Variants in COP1 observed in about 807,000 individuals in gnomAD.
COP1 encodes E3 ubiquitin-protein ligase COP1.
A neutral mutation model predicts 101.3 loss-of-function variants in COP1; 24 were observed. The ratio of observed to expected loss-of-function variants is 0.24; its 90% CI spans 0.17 to 0.33. COP1 has a LOEUF of 0.33. Ranked by LOEUF, COP1 falls within the 10% of genes least tolerant of loss-of-function variation. The probability of loss-of-function intolerance (pLI) is 1.00; values close to 1 mark genes in which losing one functional copy is unlikely to be tolerated. For missense variants in COP1, 663 were observed against 906.2 expected, an observed-to-expected ratio of 0.73 and a Z score of 3.45; for synonymous variants, 347 against 341.9, an observed-to-expected ratio of 1.01 and a Z score of -0.17.
chr1:176,038,211 C>T (rs746327878), intron 14 of COP1, among the ~76,000 whole-genome samples: 11 of 152,086 alleles, frequency 7.2e-5, no homozygotes, highest in Non-Finnish European at 1.6e-4. Flanking sequence ...AACTTGCATG[C>T]TGAAAATGAC....
chr1:176,127,701 TG>T lies in COP1; in HGVS notation c.968+7308del, dbSNP rs1303521278. On this transcript the variant is annotated intron_variant, in intron 8 of 19. Coordinates refer to ENST00000367669, the MANE Select transcript of COP1 (RefSeq NM_022457.7). ...TTGTTTGCATGGCTACTGTGAATAA[TG>T]GGACAAAGAAGATGGGACTTTTTTC... Among the ~76,000 whole-genome samples the T allele has an allele frequency of 3.3e-5, 5 of 152,228 alleles. 1 individual carries two copies. The highest frequency in any genetic ancestry group is 1.2e-4 in the African/African-American group (5 of 41,562).
rs534558079 is a variant in COP1, at chr1:175,973,978, C to T, written c.2133+12965G>A. Among the ~76,000 whole-genome samples the T allele has an allele frequency of 2.6e-5, 4 of 152,210 alleles. No individual in the cohort carries two copies. The East Asian group carries it at 7.7e-4, about 29-fold the overall frequency. On this transcript the variant is annotated intron_variant, in intron 18 of 19. Transcript: ENST00000367669. ...TGCTGGAGTGTAAAATGTGCTTATG[C>T]AAGTGGTAAGAGATTGAGCTGGAGA...
intron 18 of COP1, among the ~76,000 whole-genome samples, chr1:175,951,438 A>C (rs1406149987): frequency 4.1e-5 from 3 of 72,296 alleles, no homozygotes; most frequent in African/African-American, 8.7e-5. Context: ...AGATACGTGA[A>C]TATATATATA....
chr1:176,166,390 T>G (rs1340659610), intron 3 of COP1, among the ~76,000 whole-genome samples: 1 of 152,124 alleles, frequency 6.6e-6, no homozygotes, highest in Admixed American at 6.5e-5. Context: ...GCCTCCCAAG[T>G]GCTGGATTAC....
intron 1 of COP1, among the ~76,000 whole-genome samples, chr1:176,202,631 G>C (rs1256152438): frequency 6.6e-6 from 1 of 151,720 alleles, no homozygotes; most frequent in Non-Finnish European, 1.5e-5. Flanking sequence ...CCAGGAGTTT[G>C]AGACTAGCCT....
At chr1:176,172,404 A>T (rs1360030327) in intron 3 of COP1, among the ~76,000 whole-genome samples, 2 of 152,250 alleles carry the variant, frequency 1.3e-5, no homozygotes, top group Non-Finnish European at 2.9e-5. Context: ...AAACTTAAAA[A>T]TATGCACGGA....
At chr1:176,161,208 T>G (rs1018090207) in intron 5 of COP1, among the ~76,000 whole-genome samples, 4 of 152,222 alleles carry the variant, frequency 2.6e-5, no homozygotes, top group Non-Finnish European at 4.4e-5. Context: ...TTTTATTTAT[T>G]TTTGCCTCTT....
intron 6 of COP1, among the ~76,000 whole-genome samples, chr1:176,145,006 A>G (rs1691346503): frequency 6.6e-6 from 1 of 152,128 alleles, no homozygotes; most frequent in Non-Finnish European, 1.5e-5. Context: ...AGATAAGATA[A>G]ATTTCACTCT....
chr1:175,981,560 T>TA (rs1655877243), intron 18 of COP1, among the ~76,000 whole-genome samples: 1 of 152,010 alleles, frequency 6.6e-6, no homozygotes, highest in Non-Finnish European at 1.5e-5. Flanking sequence ...CTGAAAACTG[T>TA]AAAACTACTA....
At chr1:176,058,739 C>T (rs1674299275) in intron 11 of COP1, among the ~76,000 whole-genome samples, 1 of 149,432 alleles carries the variant, frequency 6.7e-6, no homozygotes, top group Admixed American at 6.7e-5. Context: ...GCGAGAAACA[C>T]CCAAGAATGA....
At chr1:176,007,471 G>C (rs1006329647) in intron 15 of COP1, among the ~76,000 whole-genome samples, 7 of 151,238 alleles carry the variant, frequency 4.6e-5, no homozygotes, top group Admixed American at 1.3e-4. Flanking sequence ...CCATCTTTGT[G>C]GTTTTATCTA....
intron 15 of COP1, among the ~76,000 whole-genome samples, chr1:175,994,939 T>C (rs1659729120): frequency 6.6e-6 from 1 of 152,174 alleles, no homozygotes; most frequent in African/African-American, 2.4e-5. Flanking sequence ...CAATAGAATA[T>C]ACATTTTTTT....
At chr1:176,080,794 T>G (rs1444339403) in intron 11 of COP1, among the ~76,000 whole-genome samples, 1 of 152,172 alleles carries the variant, frequency 6.6e-6, no homozygotes, top group East Asian at 1.9e-4. Context: ...TCTGGAAGCT[T>G]CACTGGCAAA....
Position 176,159,466 on chromosome 1 carries a change from T to C in COP1, c.762+3403A>G, listed in dbSNP as rs184055609. ...AAGAGCAATCTGTCAATATCAAATA[T>C]TTAATAAGATTAAAATGTGCACACA... On this transcript the variant is annotated intron_variant, in intron 5 of 19. Transcript: ENST00000367669. 1.6e-3 allele frequency among the ~76,000 whole-genome samples: 244 copies of C among 152,266 alleles called. 1 individual carries two copies. The highest frequency in any genetic ancestry group is 5.6e-3 in the African/African-American group (234 of 41,544).
chr1:176,183,718 A>G (rs976994926), intron 2 of COP1, among the ~76,000 whole-genome samples: 10 of 152,218 alleles, frequency 6.6e-5, no homozygotes, highest in African/African-American at 2.4e-4. Context: ...GTGTATACTG[A>G]TAGATGAATA....
chr1:176,121,051 T>C (rs1370929515), intron 8 of COP1, among the ~76,000 whole-genome samples: 1 of 152,014 alleles, frequency 6.6e-6, no homozygotes, highest in Non-Finnish European at 1.5e-5. Context: ...TCATTGATTT[T>C]TTTTGCTATA....
Position 175,995,128 on chromosome 1 carries a change from C to T in COP1, c.1730-5649G>A, listed in dbSNP as rs554139591. ...GCTCAACTACATGGAAAGTGAACAA[C>T]TTGCTCCTGAATGACTACCGGGTAC... is the stretch of plus-strand genomic sequence containing the variant. On this transcript the variant is annotated intron_variant, in intron 15 of 19. Transcript: ENST00000367669. Among the ~76,000 whole-genome samples the T allele has an allele frequency of 1.4e-3, 207 of 152,302 alleles. 4 individuals carry two copies. The South Asian group carries it at 0.04, about 29-fold the overall frequency.
chr1:176,114,217 C>G (rs1415357623), intron 9 of COP1, among the ~76,000 whole-genome samples: 1 of 152,034 alleles, frequency 6.6e-6, no homozygotes, highest in Non-Finnish European at 1.5e-5. Flanking sequence ...CTAATGTATT[C>G]CATTATGTCT....
chr1:176,123,703 G>C (rs1687522201), intron 8 of COP1, among the ~76,000 whole-genome samples: 1 of 152,074 alleles, frequency 6.6e-6, no homozygotes, highest in African/African-American at 2.4e-5. Context: ...ACAGAGTAGA[G>C]TAAAAGAATT....
Sources: allele counts gnomAD v4.1 joint callset (sites outside exome capture counted in the v4.1 genomes callset), GRCh38; gene constraint gnomAD v4.1.1; transcripts MANE v1.5; gene names NCBI Gene and HGNC (gene_info 2026-07-23, HGNC 2026-07-21).